PLCH2: variants seen among roughly 807,000 people sequenced by gnomAD.
The protein encoded by PLCH2 is phospholipase C eta 2.
PLCH2 carries 98 observed loss-of-function variants against 134.7 expected under a neutral mutation model. The observed-to-expected ratio is 0.73, with a 90% CI of 0.62 to 0.86. The LOEUF is 0.86. PLCH2 is among the 40% of genes least tolerant of loss of function. The pLI, the probability that PLCH2 is intolerant of heterozygous loss-of-function variation, is 0.00. For synonymous variants in PLCH2, 974 were observed against 827.5 expected, an observed-to-expected ratio of 1.18 and a Z score of -3.04; for missense variants, 1,994 against 1,986.6, an observed-to-expected ratio of 1.00 and a Z score of -0.07.
chr1:2,484,168 A>G (rs1642169565), intron 4 of PLCH2, among the ~76,000 whole-genome samples: 2 of 152,020 alleles, frequency 1.3e-5, no homozygotes, highest in South Asian at 2.1e-4. Context: ...GGTAGTGTTA[A>G]CTGCTGTGTG....
Position 2,497,021 on chromosome 1 carries a change from G to C in PLCH2, c.2116+11G>C. On this transcript the variant is annotated intron_variant, in intron 15 of 21. Transcript: ENST00000378486. ...CCGGCTGCCAAATGGGTGGGTGCGG[G>C]CATGGTGCGCTGGGTGTGGTGGGGA... is the stretch of plus-strand genomic sequence containing the variant. 6.2e-7 allele frequency: 1 copy of C among 1,609,776 alleles called. No individual in the cohort carries two copies. The highest frequency in any genetic ancestry group is 8.5e-7 in the Non-Finnish European group (1 of 1,178,308).
Position 2,498,881 on chromosome 1 carries a change from G to A in PLCH2, c.2434+53G>A, listed in dbSNP as rs1020584513. 3 of 1,465,618 alleles carry A rather than the reference G, an allele frequency of 2.0e-6. No individual in the cohort carries two copies. The highest frequency in any genetic ancestry group is 2.8e-6 in the Non-Finnish European group (3 of 1,060,672). 90.8% of individuals were successfully genotyped at this position (1,465,618 alleles called of 1,614,324 possible). ...CCTGTGATGGAAGTCTGAGGGGGGA[G>A]GGTTGGGGCTACCTGGTGTGCCCGG... is the stretch of plus-strand genomic sequence containing the variant. On this transcript the variant is annotated intron_variant, in intron 18 of 21. Coordinates refer to ENST00000378486, the MANE Select transcript of PLCH2 (RefSeq NM_014638.4). The surrounding 1 kb of genome is among the most constrained non-coding windows in gnomAD (Gnocchi z 5.4).
chr1:2,452,180 G>A (rs552198198), intron 2 of PLCH2, among the ~76,000 whole-genome samples: 2 of 152,322 alleles, frequency 1.3e-5, no homozygotes, highest in Admixed American at 1.3e-4. Context: ...CAGGTGTGCA[G>A]AAGGACGGTG....
At chr1:2,503,223 G>A (rs756363436) in intron 21 of PLCH2, 12 of 566,852 alleles carry the variant, frequency 2.1e-5, no homozygotes, top group South Asian at 2.0e-5. Flanking sequence ...GGGCCCCTCC[G>A]GCTGGGCGCT....
Position 2,439,417 on chromosome 1 carries a change from G to T in PLCH2, c.115+8788G>T, listed in dbSNP as rs1338824757. On this transcript the variant is annotated intron_variant, in intron 2 of 3. Transcript: ENST00000609981. This position sits in a 1 kb window ranked among gnomAD's most constrained non-coding sequence, Gnocchi z 4.7. ...CTGGGCCCTGTTCATGGGAAGCCAA[G>T]CCAGGGGCAGCTGATCCCATCCCAC... Among the ~76,000 whole-genome samples, 1 of 151,104 alleles carries T rather than the reference G, an allele frequency of 6.6e-6. No homozygotes were observed. The highest frequency in any genetic ancestry group is 2.1e-4 in the South Asian group (1 of 4,708).
intron 2 of PLCH2, among the ~76,000 whole-genome samples, chr1:2,435,244 G>C (rs915372553): frequency 1.3e-5 from 2 of 152,168 alleles, no homozygotes; most frequent in Non-Finnish European, 2.9e-5. Flanking sequence ...CCTGCGGACA[G>C]TGAGCAGGCC....
chr1:2,470,033 T>C (rs1310967545), intron 1 of PLCH2, among the ~76,000 whole-genome samples: 1 of 152,136 alleles, frequency 6.6e-6, no homozygotes, highest in African/African-American at 2.4e-5. Context: ...AGGAGGCTCT[T>C]TCAGCAGGCA....
intron 1 of PLCH2, among the ~76,000 whole-genome samples, chr1:2,426,206 G>C (rs959589003): frequency 2.6e-5 from 4 of 152,214 alleles, no homozygotes; most frequent in African/African-American, 9.7e-5. Flanking sequence ...GCGCGGGGAA[G>C]GGACACCTCC....
At chr1:2,436,027 C>CT in intron 2 of PLCH2, among the ~76,000 whole-genome samples, 1 of 94,588 alleles carries the variant, frequency 1.1e-5, no homozygotes. Flanking sequence ...TCTCTCCTCC[C>CT]TCCTCCCCTC....
intron 1 of PLCH2, among the ~76,000 whole-genome samples, chr1:2,426,997 G>A (rs1316334612): frequency 6.6e-6 from 1 of 152,224 alleles, no homozygotes; most frequent in African/African-American, 2.4e-5. Flanking sequence ...GGCAGCCAGT[G>A]GCCCCTGGCA....
chr1:2,503,245 A>G (rs1216222039), intron 21 of PLCH2: 2 of 545,512 alleles, frequency 3.7e-6, no homozygotes, highest in Non-Finnish European at 6.6e-6. Flanking sequence ...CCCCAAACTC[A>G]CCTCCTGGGC....
Position 2,504,680 on chromosome 1 carries a change from C to A in PLCH2, c.3718C>A (p.Leu1240Ile), listed in dbSNP as rs767207235. 1 of 1,612,628 alleles carries A rather than the reference C, an allele frequency of 6.2e-7. No homozygotes were observed. The highest frequency in any genetic ancestry group is 1.1e-5 in the South Asian group (1 of 91,088). ...GLPFRPPWGC[L>I]SLVGVQDCPV... ...CCCCTTCCGGCCTCCCTGGGGCTGC[C>A]TTTCCCTGGTGGGCGTGCAGGACTG... The change falls in exon 22 of 22, where the codon CTT (leucine) becomes ATT (isoleucine). Residue 1240 changes from leucine to isoleucine, a missense_variant. Physicochemically the swap from Leu to Ile is conservative, Grantham distance 5. Around this residue, in one of 2 missense-constraint regions of PLCH2, gnomAD observed 900 missense variants for 752.3 expected, o/e 1.20. Coordinates refer to ENST00000378486, the MANE Select transcript of PLCH2 (RefSeq NM_014638.4).
intron 2 of PLCH2, 45 bp from the exon 3 acceptor site, chr1:2,479,689 C>A (rs773999323): frequency 1.3e-5 from 19 of 1,505,828 alleles, no homozygotes; most frequent in Non-Finnish European, 1.7e-5. Context: ...CAGGGGGACG[C>A]TGGGCCCCCG....
In PLCH2 at chr1:2,495,651, C is replaced by T. The variant is rs1642845712; in HGVS notation, c.1835+81C>T. Reference sequence around the variant, plus strand: ...CGGGCCCTTCTCTGCGGTGACCCCACCAGGACCATCCCTGAGCAGGGCAGG... The same window carrying T: ...CGGGCCCTTCTCTGCGGTGACCCCATCAGGACCATCCCTGAGCAGGGCAGG... On this transcript the variant is annotated intron_variant, in intron 13 of 21. Coordinates refer to ENST00000378486, the MANE Select transcript of PLCH2 (RefSeq NM_014638.4). 16 of 951,516 alleles carry T rather than the reference C, an allele frequency of 1.7e-5. No homozygotes were observed. The Middle Eastern group carries it at 1.3e-3, about 78-fold the overall frequency. The allele number at this position is 951,516 out of a possible 1,614,324, so 58.9% of individuals were successfully genotyped here. A position where few individuals can be genotyped will look rare whatever the true frequency, so the allele number is the denominator to read the frequency against.
rs759462034 is a variant in PLCH2 at position 2,498,670 on chromosome 1, C to T, written c.2349+23C>T. 47 of 313,958 alleles carry T rather than the reference C, an allele frequency of 1.5e-4. No homozygotes were observed. The highest frequency in any genetic ancestry group is 4.4e-4 in the South Asian group (13 of 29,256). 19.4% of individuals were successfully genotyped at this position (313,958 alleles called of 1,614,324 possible). ...GAGGTGGGGGCCAGCCCCACACAGG[C>T]GGGAGGGGTGGGAGTTGGGGGCGGG... On this transcript the variant is annotated intron_variant, in intron 17 of 21. Coordinates refer to ENST00000378486, the MANE Select transcript of PLCH2 (RefSeq NM_014638.4). The surrounding 1 kb of genome is among the most constrained non-coding windows in gnomAD (Gnocchi z 5.4).
At chr1:2,425,490 G>T (rs1638747180), upstream of PLCH2, among the ~76,000 whole-genome samples, 1 of 152,054 alleles carries the variant, frequency 6.6e-6, no homozygotes, top group Non-Finnish European at 1.5e-5. Context: ...TGCAGGAGTG[G>T]GGTTGCTGGA....
In PLCH2 at chr1:2,496,813, T is replaced by C; in HGVS notation, c.1934-15T>C. 1 of 1,610,746 alleles carries C rather than the reference T, an allele frequency of 6.2e-7. No homozygotes were observed. Among genetic ancestry groups the C allele is most frequent in the Non-Finnish European group, 8.5e-7 (1 of 1,178,150 alleles). On this transcript the variant is annotated splice_polypyrimidine_tract_variant and intron_variant, in intron 14 of 21. Coordinates refer to ENST00000378486, the MANE Select transcript of PLCH2 (RefSeq NM_014638.4). Reference sequence around the variant, plus strand: ...CGAGGACTGGCAGTCTGATGCCCGGTCACCGGCGCCACAGCGGCGTCCAGC... The same window carrying C: ...CGAGGACTGGCAGTCTGATGCCCGGCCACCGGCGCCACAGCGGCGTCCAGC...
intron 2 of PLCH2, among the ~76,000 whole-genome samples, chr1:2,461,575 C>T (rs998041811): frequency 6.6e-6 from 1 of 152,172 alleles, no homozygotes; most frequent in Non-Finnish European, 1.5e-5. Flanking sequence ...CTGGGTTACC[C>T]AGCCCTGGGG....
chr1:2,489,210 C>T lies in PLCH2; in HGVS notation c.1239C>T (p.Tyr413=), dbSNP rs773907856. The stretch of plus-strand genomic sequence containing the variant: ...TCTTTCTGCCTTGGGGCCACAGGTA[C>T]CCAGTGATCCTGTCCATCGAAAACC... The part of the protein sequence containing the change: ...INKYAFIKNE[Y]PVILSIENHC... The change falls in exon 9 of 22, where the codon TAC becomes TAT. Residue 413 remains tyrosine, a synonymous_variant. Transcript: ENST00000378486. 25 of 1,613,432 alleles carry T rather than the reference C, an allele frequency of 1.5e-5. No individual in the cohort carries two copies. The highest frequency in any genetic ancestry group is 2.0e-5 in the Non-Finnish European group (24 of 1,179,666).
Sources: gnomAD v4.1 joint callset for allele counts (sites outside exome capture counted in the v4.1 genomes callset) on GRCh38, gnomAD v4.1.1 for gene constraint, gnomAD v4.1.1 regional missense constraint, Gnocchi (gnomAD v3.1) non-coding constraint, MANE v1.5 for transcripts, NCBI Gene and HGNC (gene_info 2026-07-23, HGNC 2026-07-21) for gene names.